TRPC6: variants seen among roughly 807,000 people sequenced by gnomAD.
TRPC6 encodes transient receptor potential cation channel subfamily C member 6.
A neutral mutation model predicts 90.7 loss-of-function variants in TRPC6; 55 were observed. That is an observed-to-expected ratio of 0.61 (90% CI 0.49 to 0.76). TRPC6 has a LOEUF of 0.76. TRPC6 is among the 30% of genes least tolerant of loss of function. The probability of loss-of-function intolerance (pLI) is 0.00; values close to 1 mark genes in which losing one functional copy is unlikely to be tolerated. For synonymous variants in TRPC6, 393 were observed against 393.0 expected, an observed-to-expected ratio of 1.00 and a Z score of 0.00; for missense variants, 989 against 1,122.7, an observed-to-expected ratio of 0.88 and a Z score of 1.70.
At chr11:101,507,445 T>G (rs1297309980) in intron 1 of TRPC6, among the ~76,000 whole-genome samples, 1 of 152,094 alleles carries the variant, frequency 6.6e-6, no homozygotes, top group Non-Finnish European at 1.5e-5. Context: ...TTCACTTTGC[T>G]TTTGTATTGG....
At position 101,513,021 on chromosome 11, in the gene TRPC6, C is replaced by A. The variant is rs1465011313; in HGVS notation, c.171-8223G>T. 5.3e-5 allele frequency among the ~76,000 whole-genome samples: 8 copies of A among 152,284 alleles called. 1 individual carries two copies. In the South Asian group the frequency reaches 1.0e-3, roughly 20 times the overall value. The stretch of plus-strand genomic sequence containing the variant: ...AAATCCAACATGGCACCATGAAGTG[C>A]CCACATCTAGGACAATGTAGGCTTA... On this transcript the variant is annotated intron_variant, in intron 1 of 12. Transcript: ENST00000344327.
Position 101,582,149 on chromosome 11 carries a change from G to A in TRPC6, c.170+1185C>T, listed in dbSNP as rs548729121. 9.8e-5 allele frequency among the ~76,000 whole-genome samples: 15 copies of A among 152,294 alleles called. No individual in the cohort carries two copies. The East Asian group carries it at 2.7e-3, about 27-fold the overall frequency. On this transcript the variant is annotated intron_variant, in intron 1 of 12. Transcript: ENST00000344327. ...ACATAATTGTAAATGCTCTTAACTT[G>A]CACAGCACACAGATGAATGAAACCA...
intron 5 of TRPC6, among the ~76,000 whole-genome samples, chr11:101,480,208 C>G (rs528552672): frequency 6.6e-6 from 1 of 152,104 alleles, no homozygotes; most frequent in South Asian, 2.1e-4. Context: ...ATCAATGAAA[C>G]TAAGACTAGT....
intron 1 of TRPC6, among the ~76,000 whole-genome samples, chr11:101,552,404 A>G (rs1861470028): frequency 1.3e-5 from 2 of 152,044 alleles, no homozygotes; most frequent in Non-Finnish European, 2.9e-5. Context: ...GGCTCTAAAT[A>G]TTTTCATCAC....
rs71056630 is a variant in TRPC6 at position 101,558,460 on chromosome 11, TACACACACACACACAC to T, written c.170+24858_170+24873del. Among the ~76,000 whole-genome samples the T allele has an allele frequency of 1.8e-4, 9 of 50,448 alleles. 3 individuals carry two copies. Among genetic ancestry groups the T allele is most frequent in the Non-Finnish European group, 2.5e-4 (7 of 28,068 alleles). 33.1% of individuals were successfully genotyped at this position (50,448 alleles called of 152,430 possible). On this transcript the variant is annotated intron_variant, in intron 1 of 12. Coordinates refer to ENST00000344327, the MANE Select transcript of TRPC6 (RefSeq NM_004621.6). ...ATACATATATATACACACGCACACA[TACACACACACACACAC>T]ACACACACACACACACACACATATA...
intron 1 of TRPC6, among the ~76,000 whole-genome samples, chr11:101,580,451 T>C (rs938438201): frequency 2.0e-5 from 3 of 152,198 alleles, no homozygotes; most frequent in African/African-American, 2.4e-5. Context: ...ACCATTTCAA[T>C]TTATTACTAT....
At chr11:101,513,306 A>G (rs1431885488) in intron 1 of TRPC6, among the ~76,000 whole-genome samples, 1 of 152,194 alleles carries the variant, frequency 6.6e-6, no homozygotes, top group Non-Finnish European at 1.5e-5. Flanking sequence ...GTGCTATTCC[A>G]CAGTCAGTGA....
intron 5 of TRPC6, among the ~76,000 whole-genome samples, chr11:101,477,967 G>GAGAA (rs1236242435): frequency 2.0e-5 from 3 of 152,106 alleles, no homozygotes; most frequent in African/African-American, 7.2e-5. Context: ...GAGCCATCTG[G>GAGAA]AGAAATACAA....
At chr11:101,540,066 G>A (rs1162820475) in intron 1 of TRPC6, among the ~76,000 whole-genome samples, 1 of 152,066 alleles carries the variant, frequency 6.6e-6, no homozygotes, top group East Asian at 1.9e-4. Flanking sequence ...AGTTATATAA[G>A]ATTAAAAAGT....
intron 2 of TRPC6, among the ~76,000 whole-genome samples, chr11:101,497,232 T>A (rs1859971038): frequency 6.6e-6 from 1 of 152,202 alleles, no homozygotes; most frequent in Non-Finnish European, 1.5e-5. Context: ...AATAACAGAA[T>A]AATTCATAAA....
At chr11:101,523,308 G>C (rs774143114) in intron 1 of TRPC6, among the ~76,000 whole-genome samples, 52 of 152,238 alleles carry the variant, frequency 3.4e-4, no homozygotes, top group Non-Finnish European at 6.2e-4. Context: ...TCTGCATTAG[G>C]ATTTAACAGA....
intron 1 of TRPC6, among the ~76,000 whole-genome samples, chr11:101,580,859 G>C (rs1351369660): frequency 6.6e-6 from 1 of 152,150 alleles, no homozygotes; most frequent in African/African-American, 2.4e-5. Context: ...TAAATCACAA[G>C]TCAAAAGCAT....
chr11:101,567,535 G>T (rs191738903), intron 1 of TRPC6, among the ~76,000 whole-genome samples: 2 of 152,192 alleles, frequency 1.3e-5, no homozygotes, highest in Non-Finnish European at 2.9e-5. Flanking sequence ...GACTATCTCC[G>T]CAAGTGGTTC....
At chr11:101,471,818 A>C (rs1859297995) in intron 8 of TRPC6, among the ~76,000 whole-genome samples, 1 of 152,210 alleles carries the variant, frequency 6.6e-6, no homozygotes, top group Non-Finnish European at 1.5e-5. Context: ...TTGGAGAATG[A>C]TGGTATTCAT....
chr11:101,551,835 T>C (rs1487637287), intron 1 of TRPC6, among the ~76,000 whole-genome samples: 1 of 152,100 alleles, frequency 6.6e-6, no homozygotes, highest in African/African-American at 2.4e-5. Context: ...CTCAGGGCTG[T>C]CATGGTTATT....
intron 6 of TRPC6, among the ~76,000 whole-genome samples, chr11:101,475,911 C>CAT (rs202157605): frequency 2.0e-3 from 303 of 149,086 alleles, no homozygotes; most frequent in African/African-American, 7.2e-3. Flanking sequence ...TATACACACA[C>CAT]GTGTATATAT....
Position 101,583,399 on chromosome 11 carries a change from G to A in TRPC6, c.105C>T (p.Asp35=), listed in dbSNP as rs199780084. ...GGCAGCCGTCTTCTCCCAGCTCCGA[G>A]TCCATGAGCAGATAGTCCTGGCTCT... is the stretch of plus-strand genomic sequence containing the variant. ...RNESQDYLLM[D]SELGEDGCPQ... The change falls in exon 1 of 13, where the codon GAC becomes GAT. Residue 35 remains aspartate, a synonymous_variant. Coordinates refer to ENST00000344327, the MANE Select transcript of TRPC6 (RefSeq NM_004621.6). 5.0e-5 allele frequency: 80 copies of A among 1,588,386 alleles called. 1 individual carries two copies. The highest frequency in any genetic ancestry group is 1.4e-5 in the Non-Finnish European group (16 of 1,167,386).
intron 2 of TRPC6, among the ~76,000 whole-genome samples, chr11:101,494,909 A>C (rs568194515): frequency 6.6e-6 from 1 of 152,198 alleles, no homozygotes; most frequent in Non-Finnish European, 1.5e-5. Flanking sequence ...TCATTTACAA[A>C]TATTTTCATA....
At chr11:101,521,864 A>T (rs1860669193) in intron 1 of TRPC6, among the ~76,000 whole-genome samples, 2 of 151,822 alleles carry the variant, frequency 1.3e-5, no homozygotes, top group African/African-American at 4.8e-5. Context: ...AGGGCCTGTA[A>T]CTCCTCCCTT....
Sources: gnomAD v4.1 joint callset for allele counts (sites outside exome capture counted in the v4.1 genomes callset) on GRCh38, gnomAD v4.1.1 for gene constraint, MANE v1.5 for transcripts, NCBI Gene and HGNC (gene_info 2026-07-23, HGNC 2026-07-21) for gene names.